TMEM184B: variants seen among roughly 807,000 people sequenced by gnomAD.
TMEM184B encodes the protein putative MAPK-activating protein FM08.
Under a neutral mutation model 41.8 loss-of-function variants are expected in TMEM184B, and 17 were observed. The observed-to-expected ratio is 0.41, with a 90% confidence interval of 0.28 to 0.61. The LOEUF (loss-of-function observed/expected upper bound fraction) is 0.61. Ranked by LOEUF, TMEM184B falls within the 20% of genes least tolerant of loss-of-function variation. The probability of loss-of-function intolerance (pLI) is 0.34; values close to 1 mark genes in which losing one functional copy is unlikely to be tolerated. For missense variants in TMEM184B, 393 were observed against 557.8 expected (o/e 0.70, Z 2.98); for synonymous variants, 240 against 229.5 (o/e 1.05, Z -0.41).
At chr22:38,241,170 G>C (rs559707768) in intron 3 of TMEM184B, among the ~76,000 whole-genome samples, 3 of 152,340 alleles carry the variant, frequency 2.0e-5, no homozygotes, top group East Asian at 3.9e-4. Context: ...GCAGCACAGG[G>C]AGAAGGCACC....
intron 1 of TMEM184B, among the ~76,000 whole-genome samples, chr22:38,264,100 C>G (rs943212789): frequency 2.6e-5 from 4 of 152,212 alleles, no homozygotes; most frequent in African/African-American, 7.2e-5. Flanking sequence ...CCACCGCGAC[C>G]AGCCAATACA....
intron 1 of TMEM184B, among the ~76,000 whole-genome samples, chr22:38,251,459 C>T (rs1167789175): frequency 6.6e-6 from 1 of 152,198 alleles, no homozygotes; most frequent in Non-Finnish European, 1.5e-5. Context: ...GCATGGTCCC[C>T]AATACCCAAG....
intron 1 of TMEM184B, among the ~76,000 whole-genome samples, chr22:38,264,307 C>A (rs1447752010): frequency 6.6e-6 from 1 of 152,140 alleles, no homozygotes; most frequent in Non-Finnish European, 1.5e-5. Flanking sequence ...GCTCTGATGT[C>A]CTGGTCCCAG....
rs752754195 is a variant in TMEM184B at position 38,224,815 on chromosome 22, C to A, written c.952G>T (p.Val318Phe). Reference protein sequence around the residue: ...LALRHAFTYKVYADKRLDAQG... With the variant: ...LALRHAFTYKFYADKRLDAQG... ...GCGTCCAGCCTCTTGTCAGCATAGA[C>A]CTTGTAGGTGAAGGCGTGCCGCAGG... Residue 318 changes from valine (V) to phenylalanine (F), a missense_variant, in exon 8 of 9, where the codon GTC (valine) becomes TTC (phenylalanine). Transcript: ENST00000361906. 5 of 1,612,642 alleles carry A rather than the reference C, an allele frequency of 3.1e-6. No homozygotes were observed. The highest frequency in any genetic ancestry group is 4.5e-5 in the East Asian group (2 of 44,828).
intron 3 of TMEM184B, among the ~76,000 whole-genome samples, chr22:38,240,366 A>G (rs1301118914): frequency 6.6e-6 from 1 of 152,192 alleles, no homozygotes; most frequent in Non-Finnish European, 1.5e-5. Flanking sequence ...CATTCAACAG[A>G]AAAGCTCAAA....
At chr22:38,256,208 CA>C (rs1234797824) in intron 1 of TMEM184B, among the ~76,000 whole-genome samples, 3 of 125,932 alleles carry the variant, frequency 2.4e-5, no homozygotes, top group African/African-American at 7.2e-5. Context: ...AAAATTAGCC[CA>C]GGGGACCTTT....
chr22:38,239,023 C>A lies in TMEM184B; in HGVS notation c.358+6912G>T, dbSNP rs1371315790. ...AACAGCAACTGCATAAAGCGACATA[C>A]GGACACCGCCTCCTGCCTCTGAACC... On this transcript the variant is annotated intron_variant, in intron 3 of 8. Transcript: ENST00000361906. The surrounding 1 kb of genome is among the most constrained non-coding windows in gnomAD (Gnocchi z 4.6). Among the ~76,000 whole-genome samples, 1 of 152,206 alleles carries A rather than the reference C, an allele frequency of 6.6e-6. No individual in the cohort carries two copies. The highest frequency in any genetic ancestry group is 2.4e-5 in the African/African-American group (1 of 41,446).
intron 1 of TMEM184B, among the ~76,000 whole-genome samples, chr22:38,258,084 G>A (rs571144367): frequency 6.6e-6 from 1 of 152,240 alleles, no homozygotes; most frequent in Admixed American, 6.5e-5. Context: ...ACGCCACCCA[G>A]CAGGTGGCAA....
chr22:38,265,177 C>G (rs754915409), intron 1 of TMEM184B, among the ~76,000 whole-genome samples: 7 of 152,156 alleles, frequency 4.6e-5, no homozygotes, highest in Non-Finnish European at 8.8e-5. Context: ...CTGTCTCATT[C>G]CTCTGTGTGT....
rs570571651 is a variant in TMEM184B at position 38,248,014 on chromosome 22, G to C, written c.-53C>G. 6.6e-7 allele frequency: 1 copy of C among 1,514,466 alleles called. No homozygotes were observed. Among genetic ancestry groups the C allele is most frequent in the East Asian group, 2.5e-5 (1 of 40,806 alleles). 93.8% of individuals were successfully genotyped at this position (1,514,466 alleles called of 1,614,324 possible). ...GGGAAACCTTTGCAGAAAGTGACAA[G>C]CTAGCCTAGAGAGAAGAAATTGCAA... On this transcript the variant is annotated 5_prime_UTR_variant, in exon 2 of 9. Transcript: ENST00000361906.
chr22:38,225,807 T>A lies in TMEM184B; in HGVS notation c.618-214A>T, dbSNP rs2145566659. The stretch of plus-strand genomic sequence containing the variant: ...CAGGCCAGACCAGCTCTACTGCCTC[T>A]GCGTGGCTCGTGGACTTGTCTAAGC... On this transcript the variant is annotated intron_variant, in intron 6 of 8. Transcript: ENST00000361906. This position sits in a 1 kb window ranked among gnomAD's most constrained non-coding sequence, Gnocchi z 4.4. Among the ~76,000 whole-genome samples the A allele has an allele frequency of 6.6e-6, 1 of 152,316 alleles. No individual in the cohort carries two copies. Among genetic ancestry groups the A allele is most frequent in the Middle Eastern group, 3.4e-3 (1 of 294 alleles).
chr22:38,255,727 G>A (rs1319377678), intron 1 of TMEM184B, among the ~76,000 whole-genome samples: 1 of 152,196 alleles, frequency 6.6e-6, no homozygotes, highest in Non-Finnish European at 1.5e-5. Flanking sequence ...ACACACAAGT[G>A]ATCTGGATGG....
chr22:38,237,483 G>A (rs372572325), intron 3 of TMEM184B, among the ~76,000 whole-genome samples: 51 of 152,346 alleles, frequency 3.3e-4, no homozygotes, highest in African/African-American at 1.2e-3. Context: ...CACCTTCAGC[G>A]CCTAAAGCTG....
chr22:38,219,543 C>A lies in TMEM184B; in HGVS notation c.*1926G>T. 1 of 985,342 alleles carries A rather than the reference C, an allele frequency of 1.0e-6. No individual in the cohort carries two copies. Among genetic ancestry groups the A allele is most frequent in the Non-Finnish European group, 1.2e-6 (1 of 829,812 alleles). 61.0% of individuals were successfully genotyped at this position (985,342 alleles called of 1,614,324 possible). On this transcript the variant is annotated 3_prime_UTR_variant, in exon 9 of 9. Coordinates refer to ENST00000361906, the MANE Select transcript of TMEM184B (RefSeq NM_012264.5). ...GAAAGAAAATTAAAAAAAAAAAAGA[C>A]AAGGTAGGTTATGCATCCTAAGGAG...
chr22:38,249,797 G>A (rs1056753226), intron 1 of TMEM184B, among the ~76,000 whole-genome samples: 7 of 152,118 alleles, frequency 4.6e-5, no homozygotes, highest in South Asian at 2.1e-4. Context: ...CTGATGGGGC[G>A]GCCCTTTCAG....
At chr22:38,248,105 C>T in intron 1 of TMEM184B, 86 bp from the exon 2 acceptor site, 1 of 1,442,976 alleles carries the variant, frequency 6.9e-7, no homozygotes, top group South Asian at 1.4e-5. Context: ...CCACCCACCT[C>T]CTGACCATGT....
chr22:38,262,934 G>A (rs972730364), intron 1 of TMEM184B, among the ~76,000 whole-genome samples: 6 of 152,142 alleles, frequency 3.9e-5, no homozygotes, highest in South Asian at 2.1e-4. Context: ...ACAGAGTCTC[G>A]CTCTGTAGCT....
In TMEM184B at chr22:38,231,333, G is replaced by A. The variant is rs61737782; in HGVS notation, c.360C>T (p.Ala120=). Residue 120 remains alanine, a splice_region_variant and synonymous_variant, in exon 4 of 9, where the codon GCC becomes GCT. Transcript: ENST00000361906. ...GGCTCAGGAAATTATAGATGACCAA[G>A]GCTGCGAAGAGAGTGTCCAGGAGAA... The part of the protein sequence containing the change: ...YFGTVRDCYE[A]LVIYNFLSLC... 28,621 of 1,613,620 alleles carry A rather than the reference G, an allele frequency of 0.018. 311 individuals carry two copies. The highest frequency in any genetic ancestry group is 0.021 in the Middle Eastern group (127 of 6,062).
chr22:38,225,409 T>C lies in TMEM184B; in HGVS notation c.787+15A>G, dbSNP rs1422138925. 8 of 1,544,442 alleles carry C rather than the reference T, an allele frequency of 5.2e-6. No homozygotes were observed. Among genetic ancestry groups the C allele is most frequent in the Non-Finnish European group, 7.0e-6 (8 of 1,148,972 alleles). ...GGTGGCATGGGCAGCCTCCAGGTGC[T>C]GGGAGGGGGCTCACCTTGCCAGAAG... On this transcript the variant is annotated intron_variant, in intron 7 of 8. Transcript: ENST00000361906. This position sits in a 1 kb window ranked among gnomAD's most constrained non-coding sequence, Gnocchi z 4.4.
Sources: gnomAD v4.1 joint callset for allele counts (sites outside exome capture counted in the v4.1 genomes callset) on GRCh38, gnomAD v4.1.1 for gene constraint, Gnocchi (gnomAD v3.1) non-coding constraint, MANE v1.5 for transcripts, NCBI Gene and HGNC (gene_info 2026-07-23, HGNC 2026-07-21) for gene names.